The following PLEKHM3 variants were observed in gnomAD, a reference collection of about 807,000 sequenced individuals.
PLEKHM3 encodes the protein pleckstrin homology domain-containing family M member 3.
Under a neutral mutation model 81.8 loss-of-function variants are expected in PLEKHM3, and 45 were observed. That is an observed-to-expected ratio of 0.55 (90% CI 0.43 to 0.71). The LOEUF is 0.71. Ranked by LOEUF, PLEKHM3 falls within the 30% of genes least tolerant of loss-of-function variation. The pLI is 0.00. For missense variants in PLEKHM3, 788 were observed against 924.3 expected, an observed-to-expected ratio of 0.85 and a Z score of 1.91; for synonymous variants, 352 against 356.4, an observed-to-expected ratio of 0.99 and a Z score of 0.14.
At chr2:207,849,654 T>C (rs1482909126) in intron 7 of PLEKHM3, among the ~76,000 whole-genome samples, 2 of 152,248 alleles carry the variant, frequency 1.3e-5, no homozygotes, top group African/African-American at 4.8e-5. Flanking sequence ...AGGGCAGGCT[T>C]ATGCTGTCAT....
intron 3 of PLEKHM3, among the ~76,000 whole-genome samples, chr2:207,961,562 CTGTGGT>C (rs1690734671): frequency 6.6e-6 from 1 of 152,032 alleles, no homozygotes; most frequent in African/African-American, 2.4e-5. Context: ...AAAATCAATT[CTGTGGT>C]TGCTTTTATA....
chr2:207,908,601 A>G (rs1688702090), intron 5 of PLEKHM3, 24 bp from the exon 6 acceptor site: 2 of 1,577,842 alleles, frequency 1.3e-6, no homozygotes, highest in South Asian at 1.1e-5. Context: ...CAGATAGACA[A>G]GTGAACTGTG....
rs58031514 is a variant in PLEKHM3 at position 207,858,180 on chromosome 2, A to ATT, written c.2108+2923_2108+2924dup. Among the ~76,000 whole-genome samples, 379 of 103,836 alleles carry ATT rather than the reference A, an allele frequency of 3.6e-3. 8 individuals are homozygous for ATT. Among genetic ancestry groups the ATT allele is most frequent in the Non-Finnish European group, 4.9e-3 (239 of 48,514 alleles). The allele number at this position is 103,836 out of a possible 152,430, so 68.1% of individuals were successfully genotyped here. On this transcript the variant is annotated intron_variant, in intron 7 of 7. Transcript: ENST00000427836. Reference sequence around the variant, plus strand: ...TGTGTGTGTGTGTGTGTGTGTATATATTTTTTTTTTTGAGATGAAGTCTCA... The same window carrying ATT: ...TGTGTGTGTGTGTGTGTGTGTATATATTTTTTTTTTTTTGAGATGAAGTCTCA...
chr2:207,851,740 C>CAAAAAAAAAAAAAAAAAAAAAAAAAAAA (rs10605219), intron 7 of PLEKHM3: 2 of 64,306 alleles, frequency 3.1e-5, no homozygotes, highest in African/African-American at 6.2e-5. Context: ...AACTCCATCT[C>CAAAAAAAAAAAAAAAAAAAAAAAAAAAA]AAAAAAAAAA....
rs866490247 is a variant in PLEKHM3 at position 207,823,021 on chromosome 2, C to G, written c.*5298G>C. 2.0e-5 allele frequency: 3 copies of G among 152,284 alleles called. No homozygotes were observed. Among genetic ancestry groups the G allele is most frequent in the South Asian group, 4.1e-4 (2 of 4,824 alleles). 9.4% of individuals were successfully genotyped at this position (152,284 alleles called of 1,614,324 possible). Reference sequence around the variant, plus strand: ...CAGCTTCACGGCCAATAGGAGGGAGCCCTCCTAAGAGTTAGGAGTTGCTGT... The same window carrying G: ...CAGCTTCACGGCCAATAGGAGGGAGGCCTCCTAAGAGTTAGGAGTTGCTGT... On this transcript the variant is annotated 3_prime_UTR_variant, in exon 8 of 8. Coordinates refer to ENST00000427836, the MANE Select transcript of PLEKHM3 (RefSeq NM_001080475.3).
At chr2:207,855,590 T>A (rs1264590592) in intron 7 of PLEKHM3, among the ~76,000 whole-genome samples, 1 of 152,142 alleles carries the variant, frequency 6.6e-6, no homozygotes, top group Non-Finnish European at 1.5e-5. Context: ...AGGAATTTCA[T>A]GGTGGAGCAA....
chr2:207,935,177 A>G (rs774342942), intron 4 of PLEKHM3, among the ~76,000 whole-genome samples: 1 of 152,248 alleles, frequency 6.6e-6, no homozygotes, highest in Non-Finnish European at 1.5e-5. Flanking sequence ...AAGACGTTTT[A>G]AGGTCCAATA....
chr2:208,005,930 G>A (rs535075631), intron 1 of PLEKHM3, among the ~76,000 whole-genome samples: 3 of 152,194 alleles, frequency 2.0e-5, no homozygotes, highest in East Asian at 3.9e-4. Flanking sequence ...CACCCACCTT[G>A]TTGTTTTACT....
At chr2:207,847,396 GT>G (rs1252351165) in intron 7 of PLEKHM3, among the ~76,000 whole-genome samples, 1 of 152,206 alleles carries the variant, frequency 6.6e-6, no homozygotes, top group Non-Finnish European at 1.5e-5. Context: ...GTGCTGAAGA[GT>G]TTTCATTAAA....
chr2:207,949,363 C>T (rs1266274151), intron 3 of PLEKHM3, among the ~76,000 whole-genome samples: 1 of 152,136 alleles, frequency 6.6e-6, no homozygotes, highest in Non-Finnish European at 1.5e-5. Flanking sequence ...GCCTGAGCAA[C>T]ATGGTGAAAC....
chr2:207,858,174 G>GTGTGTGTGTGTA lies in PLEKHM3; in HGVS notation c.2108+2930_2108+2931insTACACACACACA, dbSNP rs373920637. On this transcript the variant is annotated intron_variant, in intron 7 of 7. Coordinates refer to ENST00000427836, the MANE Select transcript of PLEKHM3 (RefSeq NM_001080475.3). ...TGTGTGTGTGTGTGTGTGTGTGTGT[G>GTGTGTGTGTGTA]TATATATTTTTTTTTTTGAGATGAA... Among the ~76,000 whole-genome samples the GTGTGTGTGTGTA allele has an allele frequency of 3.2e-3, 392 of 123,264 alleles. 3 individuals carry two copies. The highest frequency in any genetic ancestry group is 4.0e-3 in the Non-Finnish European group (247 of 61,516). The allele number at this position is 123,264 out of a possible 152,430, so 80.9% of individuals were successfully genotyped here.
At chr2:207,918,609 A>G (rs188243093) in intron 5 of PLEKHM3, among the ~76,000 whole-genome samples, 36 of 152,356 alleles carry the variant, frequency 2.4e-4, no homozygotes, top group African/African-American at 8.4e-4. Flanking sequence ...GCAGAGGAAA[A>G]GGTCTGGGAG....
chr2:208,001,127 C>T lies in PLEKHM3; in HGVS notation c.513G>A (p.Gln171=). 3 of 1,604,826 alleles carry T rather than the reference C, an allele frequency of 1.9e-6. No homozygotes were observed. ...VVLKTTPLQQ[Q]QQQQPLLQGP... is the part of the protein sequence containing the mutation. ...CTTGAAGCAATGGCTGCTGCTGTTGCTGCTGCTGCAAAGGCGTGGTTTTGA... is the reference window on the plus strand; with the variant it reads ...CTTGAAGCAATGGCTGCTGCTGTTGTTGCTGCTGCAAAGGCGTGGTTTTGA... The change falls in exon 2 of 8, where the codon CAG becomes CAA. Residue 171 remains glutamine, a synonymous_variant. Transcript: ENST00000427836.
At chr2:207,855,494 T>C (rs1307605117) in intron 7 of PLEKHM3, among the ~76,000 whole-genome samples, 3 of 152,060 alleles carry the variant, frequency 2.0e-5, no homozygotes, top group Non-Finnish European at 4.4e-5. Flanking sequence ...CCCAAGAGGG[T>C]GGAACATAGC....
chr2:207,923,905 A>ATATTT (rs1396762429), intron 5 of PLEKHM3, among the ~76,000 whole-genome samples: 3 of 28,346 alleles, frequency 1.1e-4, no homozygotes, highest in Non-Finnish European at 1.3e-4. Flanking sequence ...ATATATATAT[A>ATATTT]TTTTTTTTTT....
intron 6 of PLEKHM3, among the ~76,000 whole-genome samples, chr2:207,871,110 A>G (rs1421393882): frequency 6.6e-6 from 1 of 152,198 alleles, no homozygotes; most frequent in Admixed American, 6.5e-5. Flanking sequence ...GCGAGACCCC[A>G]TCTCAAAATA....
At chr2:207,878,115 T>A (rs1488277065) in intron 6 of PLEKHM3, among the ~76,000 whole-genome samples, 3 of 152,110 alleles carry the variant, frequency 2.0e-5, no homozygotes, top group Admixed American at 2.0e-4. Flanking sequence ...ATTTTAAAAA[T>A]TTTTTGGAGA....
At chr2:207,844,857 G>A (rs2092374625) in intron 7 of PLEKHM3, among the ~76,000 whole-genome samples, 2 of 152,302 alleles carry the variant, frequency 1.3e-5, no homozygotes, top group South Asian at 4.1e-4. Context: ...TCAGCAGCCT[G>A]GATCTTCCAG....
intron 3 of PLEKHM3, among the ~76,000 whole-genome samples, chr2:207,949,273 C>A (rs1195915118): frequency 6.6e-6 from 1 of 152,204 alleles, no homozygotes; most frequent in African/African-American, 2.4e-5. Flanking sequence ...ACTGGCTAGG[C>A]ATAGTAGCTC....
Sources: allele counts gnomAD v4.1 joint callset (sites outside exome capture counted in the v4.1 genomes callset), GRCh38; gene constraint gnomAD v4.1.1; transcripts MANE v1.5; gene names NCBI Gene and HGNC (gene_info 2026-07-23, HGNC 2026-07-21).